The following PRKD1 variants were observed in gnomAD, a reference collection of about 807,000 sequenced individuals.
PRKD1 encodes protein kinase D1, also known as serine/threonine-protein kinase D1.
In PRKD1, 63 loss-of-function variants were observed where a neutral mutation model predicts 95.9. The ratio of observed to expected loss-of-function variants is 0.66; its 90% CI spans 0.54 to 0.81. The LOEUF (loss-of-function observed/expected upper bound fraction) is 0.81. Ranked by LOEUF, PRKD1 falls within the 30% of genes least tolerant of loss-of-function variation. PRKD1 has a pLI of 0.00. For synonymous variants in PRKD1, 425 were observed against 423.1 expected, an observed-to-expected ratio of 1.00 and a Z score of -0.05; for missense variants, 1,048 against 1,165.3, an observed-to-expected ratio of 0.90 and a Z score of 1.47.
At chr14:29,687,838 C>T (rs964894503) in intron 2 of PRKD1, among the ~76,000 whole-genome samples, 10 of 152,190 alleles carry the variant, frequency 6.6e-5, no homozygotes, top group African/African-American at 1.2e-4. Context: ...CACATAAACA[C>T]GCCCTCATAA....
chr14:29,677,594 G>C (rs539682041), intron 2 of PRKD1, among the ~76,000 whole-genome samples: 14 of 152,240 alleles, frequency 9.2e-5, no homozygotes, highest in Middle Eastern at 6.8e-3. Context: ...TGTTTGTTTT[G>C]AGACAGGATC....
intron 1 of PRKD1, among the ~76,000 whole-genome samples, chr14:29,903,903 T>C (rs1294113683): frequency 6.6e-6 from 1 of 152,068 alleles, no homozygotes; most frequent in Non-Finnish European, 1.5e-5. Context: ...ACCAAGAAAC[T>C]GAAGACATAC....
At chr14:29,771,879 T>C (rs754360823) in intron 1 of PRKD1, among the ~76,000 whole-genome samples, 11 of 152,252 alleles carry the variant, frequency 7.2e-5, no homozygotes, top group Non-Finnish European at 7.3e-5. Flanking sequence ...TGTTTTGTTG[T>C]GGACTTATTG....
At position 29,611,758 on chromosome 14, in the gene PRKD1, A is replaced by AC. The variant is rs546993330; in HGVS notation, c.1906-11942_1906-11941insG. Among the ~76,000 whole-genome samples, 71 of 152,018 alleles carry AC rather than the reference A, an allele frequency of 4.7e-4. No homozygotes were observed. In the East Asian group the frequency reaches 0.013, roughly 28 times the overall value. On this transcript the variant is annotated intron_variant, in intron 13 of 17. Coordinates refer to ENST00000331968, the MANE Select transcript of PRKD1 (RefSeq NM_002742.3). The stretch of plus-strand genomic sequence containing the variant: ...TGTGAATTATTACCAAAAAAAAAAA[A>AC]AACAAACGCTGGAATCTACATGAAG...
At chr14:29,660,262 G>A (rs1256041426) in intron 4 of PRKD1, among the ~76,000 whole-genome samples, 2 of 152,126 alleles carry the variant, frequency 1.3e-5, no homozygotes, top group Admixed American at 6.5e-5. Context: ...TAATTTTTCT[G>A]TCTTTGTGTA....
At chr14:29,622,334 G>A (rs546317814) in intron 13 of PRKD1, among the ~76,000 whole-genome samples, 65 of 151,832 alleles carry the variant, frequency 4.3e-4, no homozygotes, top group African/African-American at 1.4e-3. Context: ...AAGAGGAATA[G>A]GGAGGTAGTT....
At chr14:29,880,341 C>A (rs1169259524) in intron 1 of PRKD1, among the ~76,000 whole-genome samples, 1 of 152,192 alleles carries the variant, frequency 6.6e-6, no homozygotes, top group South Asian at 2.1e-4. Context: ...GGGTGGAAAC[C>A]TCAAGCCTTG....
intron 1 of PRKD1, among the ~76,000 whole-genome samples, chr14:29,886,903 T>G (rs1893727276): frequency 6.6e-6 from 1 of 152,216 alleles, no homozygotes; most frequent in Non-Finnish European, 1.5e-5. Context: ...AAACATGAAT[T>G]GTAATTGTTC....
chr14:29,629,586 C>T (rs1015293775), intron 10 of PRKD1, among the ~76,000 whole-genome samples: 3 of 152,052 alleles, frequency 2.0e-5, no homozygotes, highest in African/African-American at 7.2e-5. Flanking sequence ...ATGGATAACA[C>T]TATAATGTAA....
At chr14:29,811,483 G>C (rs1890482252) in intron 1 of PRKD1, among the ~76,000 whole-genome samples, 2 of 152,332 alleles carry the variant, frequency 1.3e-5, no homozygotes, top group African/African-American at 4.8e-5. Context: ...ACATAAGGAT[G>C]CATTAAGCAT....
At chr14:29,738,686 A>G (rs1886840807) in intron 1 of PRKD1, among the ~76,000 whole-genome samples, 1 of 152,122 alleles carries the variant, frequency 6.6e-6, no homozygotes, top group South Asian at 2.1e-4. Flanking sequence ...CTCCTTCTGT[A>G]GTTCTTTGTT....
At chr14:29,825,400 ATG>A (rs949854870) in intron 1 of PRKD1, among the ~76,000 whole-genome samples, 14 of 151,984 alleles carry the variant, frequency 9.2e-5, no homozygotes, top group Non-Finnish European at 1.9e-4. Flanking sequence ...ATATATTTAA[ATG>A]TGTGTGTGTG....
chr14:29,850,973 A>G (rs1892286580), intron 1 of PRKD1, among the ~76,000 whole-genome samples: 1 of 152,192 alleles, frequency 6.6e-6, no homozygotes. Context: ...ATCTTTGACA[A>G]AGTCAACAAA....
chr14:29,616,382 T>C (rs377041737), intron 13 of PRKD1, among the ~76,000 whole-genome samples: 3 of 151,668 alleles, frequency 2.0e-5, no homozygotes, highest in African/African-American at 7.3e-5. Flanking sequence ...TGGGAGAGAT[T>C]TGACTATAGC....
At chr14:29,872,246 A>AT (rs1334041347) in intron 1 of PRKD1, among the ~76,000 whole-genome samples, 1 of 152,232 alleles carries the variant, frequency 6.6e-6, no homozygotes, top group Non-Finnish European at 1.5e-5. Flanking sequence ...AAACAGAAGC[A>AT]TACAATTCAG....
intron 2 of PRKD1, among the ~76,000 whole-genome samples, chr14:29,710,775 CTGTGTATATTTTGCTACTTTTCTG>C (rs778487427): frequency 1.1e-3 from 170 of 152,204 alleles, no homozygotes; most frequent in Middle Eastern, 3.4e-3. Flanking sequence ...GTGAGACAAA[CTGTGTATATTTTGCTACTTTTCTG>C]TAAATCTAAA....
chr14:29,585,537 T>C (rs1028463629), intron 16 of PRKD1, among the ~76,000 whole-genome samples: 2 of 152,180 alleles, frequency 1.3e-5, no homozygotes, highest in African/African-American at 4.8e-5. Flanking sequence ...GAAGCCCAAT[T>C]GATTCAAAAT....
intron 3 of PRKD1, 113 bp downstream of exon 3, chr14:29,665,964 C>T (rs1594409243): frequency 1.7e-6 from 2 of 1,207,020 alleles, no homozygotes; most frequent in Non-Finnish European, 2.2e-6. Flanking sequence ...TCTTTATCCA[C>T]TCATTGGTTG....
chr14:29,875,620 T>C (rs554729592), intron 1 of PRKD1, among the ~76,000 whole-genome samples: 2 of 152,320 alleles, frequency 1.3e-5, no homozygotes, highest in East Asian at 3.9e-4. Flanking sequence ...GATAAGCAAT[T>C]TATCTATTCA....
Sources: gnomAD v4.1 joint callset for allele counts (sites outside exome capture counted in the v4.1 genomes callset) on GRCh38, gnomAD v4.1.1 for gene constraint, MANE v1.5 for transcripts, NCBI Gene and HGNC (gene_info 2026-07-23, HGNC 2026-07-21) for gene names.